Variants in DKK2 observed in about 807,000 individuals in gnomAD.
DKK2 encodes the protein dickkopf Wnt signaling pathway inhibitor 2, also known as dickkopf-related protein 2.
DKK2 carries 11 observed loss-of-function variants against 28.1 expected under a neutral mutation model. The observed-to-expected ratio is 0.39, with a 90% CI of 0.25 to 0.65. The LOEUF is 0.65. Ranked by LOEUF, DKK2 falls within the 30% of genes least tolerant of loss-of-function variation. The pLI is 0.47. For missense variants in DKK2, 326 were observed against 335.5 expected, an observed-to-expected ratio of 0.97 and a Z score of 0.22; for synonymous variants, 135 against 126.5, an observed-to-expected ratio of 1.07 and a Z score of -0.45.
At chr4:106,966,878 C>T (rs1560582131) in intron 1 of DKK2, among the ~76,000 whole-genome samples, 2 of 152,148 alleles carry the variant, frequency 1.3e-5, no homozygotes, top group Admixed American at 1.3e-4. Flanking sequence ...CACCTCCCCC[C>T]TGGTTCTTCC....
In DKK2 at chr4:106,968,064, AAG is replaced by A. The variant is rs371388218; in HGVS notation, c.223-42117_223-42116del. 2.4e-3 allele frequency among the ~76,000 whole-genome samples: 368 copies of A among 150,290 alleles called. 2 individuals are homozygous for A. The highest frequency in any genetic ancestry group is 8.3e-3 in the African/African-American group (339 of 40,842). On this transcript the variant is annotated intron_variant, in intron 1 of 3. Transcript: ENST00000285311. ...AAGGGAGAAAACGGAGGAATGAAGA[AAG>A]GGGGAGAGAAAGGAAGGGAAAAGGA...
intron 1 of DKK2, among the ~76,000 whole-genome samples, chr4:106,953,897 T>C (rs1722540562): frequency 6.6e-6 from 1 of 152,202 alleles, no homozygotes; most frequent in East Asian, 1.9e-4. Context: ...CTAGTTTTCT[T>C]ATGGTAAAAA....
intron 1 of DKK2, among the ~76,000 whole-genome samples, chr4:106,977,649 C>A (rs886710936): frequency 2.6e-5 from 4 of 151,990 alleles, no homozygotes; most frequent in Admixed American, 1.3e-4. Context: ...AACCTTTTTT[C>A]AAGTTCTTAG....
intron 1 of DKK2, among the ~76,000 whole-genome samples, chr4:107,017,421 A>G (rs577033234): frequency 6.6e-6 from 1 of 152,138 alleles, no homozygotes; most frequent in South Asian, 2.1e-4. Context: ...GGGTTTTACT[A>G]ATTGAGACAA....
At chr4:106,994,867 G>A (rs1723249982) in intron 1 of DKK2, among the ~76,000 whole-genome samples, 1 of 152,174 alleles carries the variant, frequency 6.6e-6, no homozygotes, top group Admixed American at 6.5e-5. Flanking sequence ...CAACACATGG[G>A]GCACATGCAG....
chr4:107,003,940 G>C (rs1723399437), intron 1 of DKK2, among the ~76,000 whole-genome samples: 1 of 152,120 alleles, frequency 6.6e-6, no homozygotes, highest in Non-Finnish European at 1.5e-5. Context: ...CATCCGGATG[G>C]AATTTATATT....
At chr4:106,936,731 C>T (rs375907029) in intron 1 of DKK2, among the ~76,000 whole-genome samples, 3,445 of 152,198 alleles carry the variant, frequency 0.023, 136 homozygotes, top group African/African-American at 0.079. Flanking sequence ...GTCGGGTTAC[C>T]CACAAAGGGA....
intron 1 of DKK2, among the ~76,000 whole-genome samples, chr4:106,946,790 T>C (rs1215304458): frequency 6.6e-6 from 1 of 151,932 alleles, no homozygotes; most frequent in Non-Finnish European, 1.5e-5. Flanking sequence ...AGCTGGATGG[T>C]TCAAAATCCA....
chr4:106,940,131 CT>C (rs1489499537), intron 1 of DKK2, among the ~76,000 whole-genome samples: 2 of 152,204 alleles, frequency 1.3e-5, no homozygotes, highest in Non-Finnish European at 2.9e-5. Flanking sequence ...AACTCAAGAG[CT>C]TCTGCACAGC....
At chr4:106,987,882 T>G (rs1344449514) in intron 1 of DKK2, among the ~76,000 whole-genome samples, 1 of 151,454 alleles carries the variant, frequency 6.6e-6, no homozygotes, top group Non-Finnish European at 1.5e-5. Context: ...TTTTTTTTTT[T>G]GAGATGGAGT....
chr4:106,922,779 C>T lies in DKK2; in HGVS notation c.*1175G>A, dbSNP rs1724366032. 1 of 152,100 alleles carries T rather than the reference C, an allele frequency of 6.6e-6. No individual in the cohort carries two copies. The highest frequency in any genetic ancestry group is 1.5e-5 in the Non-Finnish European group (1 of 68,028). 9.4% of individuals were successfully genotyped at this position (152,100 alleles called of 1,614,324 possible). A position where few individuals can be genotyped will look rare whatever the true frequency, so the allele number is the denominator to read the frequency against. ...ATAGTAAATATTATGATAGCAAATC[C>T]CATGCAGATATTCATTTAGACTGTG... is the stretch of plus-strand genomic sequence containing the variant. On this transcript the variant is annotated 3_prime_UTR_variant, in exon 4 of 4. Coordinates refer to ENST00000285311, the MANE Select transcript of DKK2 (RefSeq NM_014421.3).
At chr4:106,997,147 A>G (rs1411425088) in intron 1 of DKK2, among the ~76,000 whole-genome samples, 3 of 152,140 alleles carry the variant, frequency 2.0e-5, no homozygotes, top group Non-Finnish European at 4.4e-5. Context: ...TGTAGTGCCC[A>G]TCGTTTAGTT....
chr4:106,949,648 G>T (rs915484326), intron 1 of DKK2, among the ~76,000 whole-genome samples: 7 of 152,070 alleles, frequency 4.6e-5, no homozygotes, highest in African/African-American at 1.7e-4. Flanking sequence ...ACATTTGTGG[G>T]CTTCTGTTTT....
At chr4:107,002,290 T>C (rs533584269) in intron 1 of DKK2, among the ~76,000 whole-genome samples, 4 of 152,342 alleles carry the variant, frequency 2.6e-5, no homozygotes, top group East Asian at 3.9e-4. Flanking sequence ...TTTTGTATTA[T>C]TGAACTCTAA....
At chr4:107,030,908 G>A (rs1282742576) in intron 1 of DKK2, among the ~76,000 whole-genome samples, 1 of 151,946 alleles carries the variant, frequency 6.6e-6, no homozygotes, top group East Asian at 1.9e-4. Flanking sequence ...GAAAGGAGAA[G>A]AGGGTGCAAA....
intron 1 of DKK2, among the ~76,000 whole-genome samples, chr4:106,966,757 AAG>A (rs961958422): frequency 1.3e-5 from 2 of 152,180 alleles, no homozygotes; most frequent in Non-Finnish European, 2.9e-5. Context: ...GCAGCAGGCA[AAG>A]AGAGAGAGCT....
intron 1 of DKK2, among the ~76,000 whole-genome samples, chr4:106,945,446 ATAAT>A (rs967787708): frequency 8.5e-5 from 13 of 152,240 alleles, no homozygotes; most frequent in South Asian, 2.1e-4. Context: ...TTATATAATA[ATAAT>A]TAATAGTAAT....
At chr4:107,011,034 C>T (rs1468345327) in intron 1 of DKK2, among the ~76,000 whole-genome samples, 2 of 151,422 alleles carry the variant, frequency 1.3e-5, no homozygotes, top group East Asian at 3.9e-4. Flanking sequence ...CAGTCTCTTG[C>T]AATCTGAATT....
chr4:107,030,638 TA>T (rs1259684127), intron 1 of DKK2, among the ~76,000 whole-genome samples: 8 of 151,940 alleles, frequency 5.3e-5, no homozygotes, highest in Non-Finnish European at 1.0e-4. Context: ...AAGTCACAGG[TA>T]GAAATTTGAT....
Sources: gnomAD v4.1 joint callset for allele counts (sites outside exome capture counted in the v4.1 genomes callset) on GRCh38, gnomAD v4.1.1 for gene constraint, MANE v1.5 for transcripts, NCBI Gene and HGNC (gene_info 2026-07-23, HGNC 2026-07-21) for gene names.